Variants in PCDH15 observed in about 807,000 individuals in gnomAD.
PCDH15 encodes the protein protocadherin-15.
Under a neutral mutation model 178.5 loss-of-function variants are expected in PCDH15, and 129 were observed. The observed-to-expected ratio is 0.72, with a 90% CI of 0.63 to 0.84. The LOEUF (loss-of-function observed/expected upper bound fraction) is 0.84. Among genes scored for constraint, PCDH15 ranks in the 40% least tolerant of loss-of-function variants. The pLI is 0.00. For missense variants in PCDH15, 2,230 were observed against 2,099.9 expected, an observed-to-expected ratio of 1.06 and a Z score of -1.21; for synonymous variants, 800 against 732.0, an observed-to-expected ratio of 1.09 and a Z score of -1.50.
At chr10:54,311,265 C>T (rs547583429) in intron 8 of PCDH15, among the ~76,000 whole-genome samples, 1 of 152,016 alleles carries the variant, frequency 6.6e-6, no homozygotes, top group East Asian at 1.9e-4. Context: ...ACAGTAAACG[C>T]ATAGAAAATA....
chr10:55,066,586 ATTTAT>A (rs1428562333), intron 2 of PCDH15, among the ~76,000 whole-genome samples: 1 of 148,674 alleles, frequency 6.7e-6, no homozygotes, highest in African/African-American at 2.5e-5. Flanking sequence ...CTTGGGATTG[ATTTAT>A]TTTATTCTAA....
chr10:53,949,446 A>G (rs1397655117), intron 23 of PCDH15, among the ~76,000 whole-genome samples: 3 of 152,254 alleles, frequency 2.0e-5, no homozygotes, highest in Non-Finnish European at 4.4e-5. Context: ...TGCAATCAAG[A>G]CAAATCATTC....
At chr10:54,179,715 G>A (rs1328377203) in intron 13 of PCDH15, among the ~76,000 whole-genome samples, 2 of 152,152 alleles carry the variant, frequency 1.3e-5, no homozygotes, top group Non-Finnish European at 2.9e-5. Context: ...AAGTGAGTCC[G>A]TTATGGGTGG....
intron 9 of PCDH15, among the ~76,000 whole-genome samples, chr10:54,219,113 A>T (rs1054111200): frequency 6.7e-6 from 1 of 148,900 alleles, no homozygotes; most frequent in Non-Finnish European, 1.5e-5. Flanking sequence ...AAAAACAAAA[A>T]AAAAACAAAA....
At position 53,948,018 on chromosome 10, in the gene PCDH15, A is replaced by AT. The variant is rs58459060; in HGVS notation, c.3123-7044dup. Among the ~76,000 whole-genome samples the AT allele has an allele frequency of 5.4e-3, 821 of 152,254 alleles. 9 individuals are homozygous for AT. Among genetic ancestry groups the AT allele is most frequent in the African/African-American group, 0.018 (768 of 41,544 alleles). On this transcript the variant is annotated intron_variant, in intron 23 of 37. Coordinates refer to ENST00000644397, the MANE Select transcript of PCDH15 (RefSeq NM_001384140.1). Reference sequence around the variant, plus strand: ...AAATCCATAAGAATGCGCTGGAGAAATTTTTTAAACTTACTAAAGTACAGA... The same window carrying AT: ...AAATCCATAAGAATGCGCTGGAGAAATTTTTTTAAACTTACTAAAGTACAGA...
At chr10:53,917,269 C>A (rs1247193706) in intron 25 of PCDH15, among the ~76,000 whole-genome samples, 3 of 151,946 alleles carry the variant, frequency 2.0e-5, no homozygotes, top group Non-Finnish European at 4.4e-5. Flanking sequence ...ACTGATAATA[C>A]AAGCCGAATA....
chr10:54,931,821 CT>C (rs1300527038), intron 2 of PCDH15, among the ~76,000 whole-genome samples: 1 of 152,094 alleles, frequency 6.6e-6, no homozygotes, highest in Non-Finnish European at 1.5e-5. Context: ...CATTTCATGT[CT>C]TTTGTTTCAT....
At chr10:54,907,573 T>G (rs748804028) in intron 2 of PCDH15, among the ~76,000 whole-genome samples, 5 of 152,164 alleles carry the variant, frequency 3.3e-5, no homozygotes, top group African/African-American at 4.8e-5. Context: ...TCATTATTGT[T>G]CTGGTTGTTG....
At chr10:55,422,829 GTTTAT>G (rs1838655841) in intron 2 of PCDH15, among the ~76,000 whole-genome samples, 1 of 151,894 alleles carries the variant, frequency 6.6e-6, no homozygotes, top group African/African-American at 2.4e-5. Flanking sequence ...ACATTAATAA[GTTTAT>G]TTTATAGATA....
chr10:54,451,624 G>T (rs1314838292), intron 3 of PCDH15, among the ~76,000 whole-genome samples: 1 of 151,796 alleles, frequency 6.6e-6, no homozygotes. Context: ...TTTTACACAT[G>T]TAAATCTATA....
chr10:54,238,666 C>CTT (rs2054888525), intron 8 of PCDH15, among the ~76,000 whole-genome samples: 1 of 141,820 alleles, frequency 7.1e-6, no homozygotes, highest in African/African-American at 2.9e-5. Context: ...CTGCCTCTCT[C>CTT]TCTCTCTCTC....
At chr10:55,530,184 C>A (rs936404316) in intron 2 of PCDH15, among the ~76,000 whole-genome samples, 3 of 151,662 alleles carry the variant, frequency 2.0e-5, no homozygotes, top group African/African-American at 7.3e-5. Flanking sequence ...GTTTAACTGT[C>A]GTCGGCTTTT....
intron 1 of PCDH15, among the ~76,000 whole-genome samples, chr10:55,188,787 T>C (rs917665051): frequency 6.6e-5 from 10 of 151,964 alleles, no homozygotes; most frequent in African/African-American, 2.4e-4. Context: ...TATATACATA[T>C]ATGTAAACTA....
rs771604603 is a variant in PCDH15 at position 54,185,153 on chromosome 10, T to C, written c.1421A>G (p.Gln474Arg). Reference sequence around the variant, plus strand: ...CTTTACCGAAAAGGTGTAAGTTTGCTGTTCTTCCCTGTCCACTGGTTGAAG... The same window carrying C: ...CTTTACCGAAAAGGTGTAAGTTTGCCGTTCTTCCCTGTCCACTGGTTGAAG... ...TLLQPVDREE[Q>R]QTYTFSITAF... Residue 474 changes from glutamine to arginine, a missense_variant, in exon 12 of 38, where the codon CAG (glutamine) becomes CGG (arginine). By Grantham distance (43) the Gln-to-Arg change is conservative (BLOSUM62 1). Coordinates refer to ENST00000644397, the MANE Select transcript of PCDH15 (RefSeq NM_001384140.1). The C allele has an allele frequency of 3.1e-6, 5 of 1,613,686 alleles. No homozygotes were observed. Among genetic ancestry groups the C allele is most frequent in the Admixed American group, 1.7e-5 (1 of 60,000 alleles).
intron 1 of PCDH15, among the ~76,000 whole-genome samples, chr10:54,699,712 AG>A (rs527343864): frequency 1.3e-5 from 2 of 152,072 alleles, no homozygotes; most frequent in Non-Finnish European, 2.9e-5. Flanking sequence ...GAATGTCAGG[AG>A]AAATATATTC....
rs4498879 is a variant in PCDH15 at position 53,972,720 on chromosome 10, G to T, written c.2869-10828C>A. Among the ~76,000 whole-genome samples the T allele has an allele frequency of 2.8e-4, 43 of 152,260 alleles. 1 individual carries two copies. Among genetic ancestry groups the T allele is most frequent in the Admixed American group, 2.6e-3 (39 of 15,282 alleles). ...CATCATCACTGGCCATCAGAGAAAT[G>T]CAAATCAAAACCACAATGAGATACC... On this transcript the variant is annotated intron_variant, in intron 21 of 37. Transcript: ENST00000644397.
chr10:54,198,657 AC>A lies in PCDH15; in HGVS notation c.1099-2769del, dbSNP rs1253731217. On this transcript the variant is annotated intron_variant, in intron 10 of 37. Coordinates refer to ENST00000644397, the MANE Select transcript of PCDH15 (RefSeq NM_001384140.1). ...GTTGGGACTACAGGCGCCCGCCACT[AC>A]GCCCGGCTAATTTTTTGTATTTTTA... Among the ~76,000 whole-genome samples, 1,084 of 121,004 alleles carry A rather than the reference AC, an allele frequency of 9.0e-3. 295 individuals carry two copies. The highest frequency in any genetic ancestry group is 0.04 in the African/African-American group (905 of 22,814). The allele number at this position is 121,004 out of a possible 152,430, so 79.4% of individuals were successfully genotyped here.
chr10:54,992,502 C>T (rs539315568), intron 2 of PCDH15, among the ~76,000 whole-genome samples: 36 of 152,206 alleles, frequency 2.4e-4, no homozygotes, highest in Admixed American at 2.2e-3. Flanking sequence ...TCTGTAATCC[C>T]AGCACTTTGG....
At chr10:55,160,660 C>T (rs1434757694) in intron 2 of PCDH15, among the ~76,000 whole-genome samples, 1 of 151,946 alleles carries the variant, frequency 6.6e-6, no homozygotes, top group African/African-American at 2.4e-5. Context: ...GTATATGGCA[C>T]CTTATAAGCA....
Sources: allele counts gnomAD v4.1 joint callset (sites outside exome capture counted in the v4.1 genomes callset), GRCh38; gene constraint gnomAD v4.1.1; transcripts MANE v1.5; gene names NCBI Gene and HGNC (gene_info 2026-07-23, HGNC 2026-07-21).